The following DMD variants were observed in gnomAD, a reference collection of about 807,000 sequenced individuals.
The protein encoded by DMD is mutant dystrophin.
Under a neutral mutation model 330.1 loss-of-function variants are expected in DMD, and 63 were observed. That is an observed-to-expected ratio of 0.19 (90% confidence interval 0.16 to 0.24). The LOEUF (loss-of-function observed/expected upper bound fraction) is 0.24, where lower values mean the gene tolerates loss of function less well. DMD is among the 10% of genes least tolerant of loss of function. DMD has a pLI of 1.00. For synonymous variants in DMD, 1,223 were observed against 959.8 expected (o/e 1.27, Z -5.07); for missense variants, 3,344 against 2,684.1 (o/e 1.25, Z -5.43).
intron 3 of DMD, among the ~76,000 whole-genome samples, chrX:32,849,484 TACC>T (rs1156604072): frequency 8.9e-6 from 1 of 112,019 alleles, no homozygotes; most frequent in Non-Finnish European, 1.9e-5. Context: ...ATAAGATAGA[TACC>T]AAGTAGTAAA....
chrX:32,584,131 A>G (rs1447813473), intron 13 of DMD, among the ~76,000 whole-genome samples: 1 of 111,606 alleles, frequency 9.0e-6, no homozygotes, highest in Non-Finnish European at 1.9e-5. Context: ...CAGTAGAAAA[A>G]CAGGCATTTC....
intron 63 of DMD, among the ~76,000 whole-genome samples, chrX:31,245,008 C>G (rs181587284): frequency 8.9e-6 from 1 of 111,989 alleles, no homozygotes; most frequent in Admixed American, 9.5e-5. Context: ...ACGAGGCCAT[C>G]AGCACATCAA....
rs750579766 is a variant in DMD, at chrX:31,444,620, C to T, written c.8945G>A (p.Arg2982Gln). Reference sequence around the variant, plus strand: ...CTCTTTCAGAGGCGCAATTTCTCCTCGAAGTGCCTGTGTGCAATAGTCAAA... The same window carrying T: ...CTCTTTCAGAGGCGCAATTTCTCCTTGAAGTGCCTGTGTGCAATAGTCAAA... ...QDHLEKVKAL[R>Q]GEIAPLKENV... The change falls in exon 60 of 79, where the codon CGA becomes CAA. Residue 2982 changes from arginine to glutamine, a missense_variant. Transcript: ENST00000357033. 177 of 1,209,317 alleles carry T rather than the reference C, an allele frequency of 1.5e-4. No homozygotes were observed. In the South Asian group the frequency reaches 2.9e-3, roughly 20 times the overall value.
intron 16 of DMD, among the ~76,000 whole-genome samples, chrX:32,559,637 A>C (rs936996373): frequency 5.4e-5 from 6 of 111,937 alleles, no homozygotes; most frequent in Non-Finnish European, 9.4e-5. Context: ...GAAGGGTTAA[A>C]ATAGAGGATC....
chrX:31,492,110 G>A (rs2069361793), intron 57 of DMD, among the ~76,000 whole-genome samples: 1 of 111,887 alleles, frequency 8.9e-6, no homozygotes, highest in Non-Finnish European at 1.9e-5. Context: ...GACCCATCTT[G>A]ATACCAAGGA....
intron 44 of DMD, among the ~76,000 whole-genome samples, chrX:31,981,635 G>C (rs1199117304): frequency 9.0e-6 from 1 of 111,625 alleles, no homozygotes; most frequent in Non-Finnish European, 1.9e-5. Flanking sequence ...GGGCAGAAGG[G>C]AGAAGGTTAG....
At position 33,071,503 on chromosome X, in the gene DMD, C is replaced by T. The variant is rs1010803774; in HGVS notation, c.32-51303G>A. The stretch of plus-strand genomic sequence containing the variant: ...GATTTGATAATGCATAGGAAAGATC[C>T]TAGTACACTATAAGACACCTTACAT... On this transcript the variant is annotated intron_variant, in intron 1 of 78. Transcript: ENST00000357033. Among the ~76,000 whole-genome samples, 4 of 109,368 alleles carry T rather than the reference C, an allele frequency of 3.7e-5. No individual in the cohort carries two copies. In the East Asian group the frequency reaches 1.1e-3, roughly 31 times the overall value. The allele number at this position is 109,368 out of a possible 115,157, so 95.0% of individuals were successfully genotyped here. A position where few individuals can be genotyped will look rare whatever the true frequency, so the allele number is the denominator to read the frequency against.
intron 7 of DMD, among the ~76,000 whole-genome samples, chrX:32,798,997 G>A (rs1365536934): frequency 9.0e-6 from 1 of 111,138 alleles, no homozygotes; most frequent in Non-Finnish European, 1.9e-5. Flanking sequence ...TCAGCCAATT[G>A]ATATCAAACC....
intron 5 of DMD, among the ~76,000 whole-genome samples, chrX:32,818,956 C>G (rs1310739994): frequency 9.2e-6 from 1 of 108,275 alleles, no homozygotes; most frequent in Non-Finnish European, 1.9e-5. Context: ...TACGTCACAG[C>G]TCTAGTTCTT....
intron 1 of DMD, among the ~76,000 whole-genome samples, chrX:33,166,862 A>T (rs1388508052): frequency 2.7e-5 from 3 of 110,640 alleles, no homozygotes; most frequent in South Asian, 3.8e-4. Context: ...TAGTCTATCA[A>T]ATAAAAGAAT....
chrX:31,853,072 C>A (rs749854603), intron 48 of DMD, among the ~76,000 whole-genome samples: 1 of 111,898 alleles, frequency 8.9e-6, no homozygotes, highest in Non-Finnish European at 1.9e-5. Flanking sequence ...TTAGTACAGA[C>A]GGGGTTTTGC....
At chrX:32,623,192 G>A (rs1015016263) in intron 11 of DMD, among the ~76,000 whole-genome samples, 5 of 111,609 alleles carry the variant, frequency 4.5e-5, no homozygotes, top group Non-Finnish European at 9.4e-5. Flanking sequence ...CTTCACTGAG[G>A]CCTGTGAAAA....
chrX:32,877,715 T>C (rs1362204064), intron 2 of DMD, among the ~76,000 whole-genome samples: 4 of 111,848 alleles, frequency 3.6e-5, no homozygotes, highest in Non-Finnish European at 3.8e-5. Context: ...AAAACAGAGA[T>C]CCGGAAGTGC....
intron 9 of DMD, among the ~76,000 whole-genome samples, chrX:32,663,537 A>C (rs748796704): frequency 8.9e-6 from 1 of 111,945 alleles, no homozygotes; most frequent in South Asian, 3.7e-4. Context: ...GAAGAGCTTG[A>C]AAATCATATG....
At chrX:31,409,444 T>G (rs2061545694) in intron 60 of DMD, among the ~76,000 whole-genome samples, 1 of 111,728 alleles carries the variant, frequency 9.0e-6, no homozygotes, top group African/African-American at 3.3e-5. Context: ...ACAATGGGGG[T>G]TTTCTCTGCT....
chrX:31,521,161 CTT>C (rs751038046), intron 55 of DMD, among the ~76,000 whole-genome samples: 1 of 100,261 alleles, frequency 1.0e-5, no homozygotes, highest in Non-Finnish European at 2.0e-5. Context: ...ATGAGAATGA[CTT>C]TTTTTTTTTT....
At chrX:31,931,234 AG>A (rs1229997080) in intron 46 of DMD, among the ~76,000 whole-genome samples, 1 of 111,156 alleles carries the variant, frequency 9.0e-6, no homozygotes, top group Non-Finnish European at 1.9e-5. Context: ...GGCACATAAC[AG>A]GGAATGATTA....
intron 7 of DMD, among the ~76,000 whole-genome samples, chrX:32,796,397 A>G (rs2076181050): frequency 8.9e-6 from 1 of 111,788 alleles, no homozygotes; most frequent in African/African-American, 3.3e-5. Context: ...ACTCATATAT[A>G]GGTGTAAAAA....
chrX:31,775,342 CT>C (rs1374588993), intron 50 of DMD, among the ~76,000 whole-genome samples: 2 of 111,144 alleles, frequency 1.8e-5, no homozygotes, highest in Non-Finnish European at 3.8e-5. Context: ...TGATGAACAA[CT>C]GTGGTGAGAA....
Sources: gnomAD v4.1 joint callset for allele counts (sites outside exome capture counted in the v4.1 genomes callset) on GRCh38, gnomAD v4.1.1 for gene constraint, MANE v1.5 for transcripts, NCBI Gene and HGNC (gene_info 2026-07-23, HGNC 2026-07-21) for gene names.